DNAAF9: variants seen among roughly 807,000 people sequenced by gnomAD.
DNAAF9 encodes the protein dynein axonemal assembly factor 9.
In DNAAF9, 90 loss-of-function variants were observed where a neutral mutation model predicts 167.0. The ratio of observed to expected loss-of-function variants is 0.54; its 90% CI spans 0.45 to 0.64. The LOEUF (loss-of-function observed/expected upper bound fraction) is 0.64, where lower values mean the gene tolerates loss of function less well. DNAAF9 is among the 30% of genes least tolerant of loss of function. The pLI is 0.00. For missense variants in DNAAF9, 1,315 were observed against 1,442.2 expected (o/e 0.91, Z 1.43); for synonymous variants, 491 against 508.8 (o/e 0.96, Z 0.47).
chr20:3,397,627 T>C (rs1160632559), intron 1 of DNAAF9, among the ~76,000 whole-genome samples: 2 of 152,208 alleles, frequency 1.3e-5, no homozygotes, highest in Non-Finnish European at 2.9e-5. Flanking sequence ...CTTATGATTA[T>C]TGCTTTTGCT....
intron 3 of DNAAF9, among the ~76,000 whole-genome samples, chr20:3,380,540 C>A (rs2083634796): frequency 6.6e-6 from 1 of 152,290 alleles, no homozygotes; most frequent in East Asian, 1.9e-4. Flanking sequence ...CAGTGGCATC[C>A]CCTACCCAGT....
At chr20:3,339,726 C>A (rs575144409) in intron 10 of DNAAF9, among the ~76,000 whole-genome samples, 1 of 152,180 alleles carries the variant, frequency 6.6e-6, no homozygotes. Flanking sequence ...CTATTTCCCC[C>A]TCTCCTAGGG....
At chr20:3,293,423 A>G (rs2069002479) in intron 25 of DNAAF9, among the ~76,000 whole-genome samples, 1 of 150,734 alleles carries the variant, frequency 6.6e-6, no homozygotes. Flanking sequence ...AGTGGCTCAC[A>G]CCTGTAATCC....
chr20:3,285,247 T>C (rs2068830670), intron 27 of DNAAF9, among the ~76,000 whole-genome samples: 1 of 152,142 alleles, frequency 6.6e-6, no homozygotes, highest in Admixed American at 6.5e-5. Context: ...AAGAATGCTA[T>C]AAATGAAAAT....
At chr20:3,286,153 G>T (rs1273491774) in intron 27 of DNAAF9, among the ~76,000 whole-genome samples, 1 of 152,156 alleles carries the variant, frequency 6.6e-6, no homozygotes, top group African/African-American at 2.4e-5. Flanking sequence ...GGGCCCAGCT[G>T]GTAAGAACAG....
chr20:3,311,995 C>CTTT (rs397962124), intron 20 of DNAAF9, among the ~76,000 whole-genome samples: 3 of 145,096 alleles, frequency 2.1e-5, no homozygotes, highest in African/African-American at 7.6e-5. Context: ...TCTTTTTTTT[C>CTTT]TTTTTTTTTT....
chr20:3,321,622 G>A (rs1320170949), intron 16 of DNAAF9, among the ~76,000 whole-genome samples: 1 of 152,202 alleles, frequency 6.6e-6, no homozygotes, highest in African/African-American at 2.4e-5. Flanking sequence ...AGGCTGGAGT[G>A]CAGTGGTGCA....
rs1453234347 is a variant in DNAAF9, at chr20:3,287,765, C to T, written c.2353G>A (p.Asp785Asn). ...GCAGCATGAAAACATTCAGAGCTGTCCATGATTTGGCGATACACCATCCAT... is the reference window on the plus strand; with the variant it reads ...GCAGCATGAAAACATTCAGAGCTGTTCATGATTTGGCGATACACCATCCAT... Reference protein sequence around the residue: ...GRWMVYRQIMDSSECFHAAHF... With the variant: ...GRWMVYRQIMNSSECFHAAHF... The change falls in exon 27 of 37, where the codon GAC becomes AAC. Residue 785 changes from aspartate (D) to asparagine (N), a missense_variant. This residue lies in a region of DNAAF9 where 981 missense variants were observed against 1,012.5 expected (regional missense o/e 0.97). Coordinates refer to ENST00000252032, the MANE Select transcript of DNAAF9 (RefSeq NM_001009984.3). 2 of 1,614,178 alleles carry T rather than the reference C, an allele frequency of 1.2e-6. No individual in the cohort carries two copies.
At chr20:3,387,786 A>C (rs1292790852) in intron 1 of DNAAF9, among the ~76,000 whole-genome samples, 2 of 150,654 alleles carry the variant, frequency 1.3e-5, no homozygotes, top group Non-Finnish European at 3.0e-5. Flanking sequence ...TCATGCCTGT[A>C]ATCTCAGCAC....
intron 6 of DNAAF9, among the ~76,000 whole-genome samples, chr20:3,368,222 C>T (rs532649023): frequency 1.3e-5 from 2 of 152,276 alleles, no homozygotes; most frequent in African/African-American, 4.8e-5. Flanking sequence ...GCTGCATCTC[C>T]TAACTCAGGG....
At chr20:3,267,533 A>G (rs1332266314) in intron 30 of DNAAF9, among the ~76,000 whole-genome samples, 1 of 152,130 alleles carries the variant, frequency 6.6e-6, no homozygotes, top group Non-Finnish European at 1.5e-5. Flanking sequence ...TAGGAAATAT[A>G]CATTTTTAAA....
chr20:3,337,268 GT>G (rs112275744), intron 10 of DNAAF9, among the ~76,000 whole-genome samples: 233 of 131,412 alleles, frequency 1.8e-3, no homozygotes, highest in African/African-American at 4.5e-3. Flanking sequence ...CACTGAAGTT[GT>G]TTTTTTTTTT....
At chr20:3,359,748 AT>A (rs1347072522) in intron 6 of DNAAF9, among the ~76,000 whole-genome samples, 155 bp from the exon 7 acceptor site, 1 of 152,240 alleles carries the variant, frequency 6.6e-6, no homozygotes, top group Non-Finnish European at 1.5e-5. Context: ...CCCTATACAT[AT>A]TAATAAATGT....
At chr20:3,400,336 A>T (rs1446355722) in intron 1 of DNAAF9, among the ~76,000 whole-genome samples, 2 of 152,148 alleles carry the variant, frequency 1.3e-5, no homozygotes, top group Non-Finnish European at 2.9e-5. Context: ...GGAGTAGTAA[A>T]CTCCAAGTAA....
Position 3,250,066 on chromosome 20 carries a change from AGCT to A in DNAAF9, c.*2503_*2505del, listed in dbSNP as rs1397003473. 1 of 152,240 alleles carries A rather than the reference AGCT, an allele frequency of 6.6e-6. No homozygotes were observed. The highest frequency in any genetic ancestry group is 2.4e-5 in the African/African-American group (1 of 41,462). The allele number at this position is 152,240 out of a possible 1,614,324, so 9.4% of individuals were successfully genotyped here. A position where few individuals can be genotyped will look rare whatever the true frequency, so the allele number is the denominator to read the frequency against. ...ACGCACTCTGGGTGATATAAACTGA[AGCT>A]GCTAATAGGAAAGTTAGCAAAAAGC... On this transcript the variant is annotated 3_prime_UTR_variant, in exon 37 of 37. Transcript: ENST00000252032.
intron 10 of DNAAF9, among the ~76,000 whole-genome samples, chr20:3,333,867 A>T (rs1382282956): frequency 6.6e-6 from 1 of 152,168 alleles, no homozygotes; most frequent in Non-Finnish European, 1.5e-5. Context: ...GTAGAATGGG[A>T]TCTATACACA....
At chr20:3,253,633 G>T in intron 36 of DNAAF9, 93 bp downstream of exon 36, 1 of 784,194 alleles carries the variant, frequency 1.3e-6, no homozygotes, top group Non-Finnish European at 2.3e-6. Context: ...TCAAATGCAT[G>T]GCTCTGGCAG....
rs1235887147 is a variant in DNAAF9, at chr20:3,382,499, G to A, written c.91C>T (p.Arg31Ter). The change falls in exon 2 of 37, where the codon CGA becomes TGA. Residue 31 changes from arginine (R) to a stop codon, truncating the protein, a stop_gained. Coordinates refer to ENST00000252032, the MANE Select transcript of DNAAF9 (RefSeq NM_001009984.3). LOFTEE classifies it high-confidence loss of function. Reference protein sequence around the residue: ...SRGSPSVSCSRLRQVQSILTQ... With the variant: ...SRGSPSVSCS The stretch of plus-strand genomic sequence containing the variant: ...AGGATGCTCTGAACCTGCCGAAGTC[G>A]ACTGCAGCTGCAACAAGAACAGAAA... The A allele has an allele frequency of 6.2e-7, 1 of 1,613,572 alleles. No homozygotes were observed. The highest frequency in any genetic ancestry group is 1.1e-5 in the South Asian group (1 of 91,054).
Position 3,279,710 on chromosome 20 carries a change from TA to T in DNAAF9, c.2613-762del, listed in dbSNP as rs2122853462. On this transcript the variant is annotated intron_variant, in intron 28 of 36. Transcript: ENST00000252032. The stretch of plus-strand genomic sequence containing the variant: ...CGTCCTGTCTGCTCTGTGCCTCAGG[TA>T]TCTAACAGATGAAAGGCATGGGTTT... Among the ~76,000 whole-genome samples, 3 of 152,294 alleles carry T rather than the reference TA, an allele frequency of 2.0e-5. No homozygotes were observed. In the East Asian group the frequency reaches 5.8e-4, roughly 29 times the overall value.
Sources: gnomAD v4.1 joint callset for allele counts (sites outside exome capture counted in the v4.1 genomes callset) on GRCh38, gnomAD v4.1.1 for gene constraint, gnomAD v4.1.1 regional missense constraint, MANE v1.5 for transcripts, NCBI Gene and HGNC (gene_info 2026-07-23, HGNC 2026-07-21) for gene names.